Variants in NXNL2 observed in about 807,000 individuals in gnomAD.
The protein encoded by NXNL2 is nucleoredoxin like 2.
NXNL2 carries 7 observed loss-of-function variants against 11.1 expected under a neutral mutation model. The ratio of observed to expected loss-of-function variants is 0.63; its 90% CI spans 0.36 to 1.18. The LOEUF is 1.18. Ranked by LOEUF, NXNL2 falls within the 50% of genes most tolerant of loss-of-function variation. The pLI, the probability that NXNL2 is intolerant of heterozygous loss-of-function variation, is 0.02. For synonymous variants in NXNL2, 109 were observed against 101.8 expected, an observed-to-expected ratio of 1.07 and a Z score of -0.42; for missense variants, 233 against 217.7, an observed-to-expected ratio of 1.07 and a Z score of -0.44.
At chr9:88,571,278 A>C (rs2118532151) in intron 2 of NXNL2, 1 of 234,960 alleles carries the variant, frequency 4.3e-6, no homozygotes, top group South Asian at 4.5e-5. Flanking sequence ...CATGTTGTCC[A>C]GGCTGATCTC....
Position 88,544,557 on chromosome 9 carries a change from G to C in NXNL2, c.*10G>C. The C allele has an allele frequency of 6.6e-7, 1 of 1,518,968 alleles. No individual in the cohort carries two copies. Among genetic ancestry groups the C allele is most frequent in the Non-Finnish European group, 8.8e-7 (1 of 1,130,196 alleles). 94.1% of individuals were successfully genotyped at this position (1,518,968 alleles called of 1,614,324 possible). A position where few individuals can be genotyped will look rare whatever the true frequency, so the allele number is the denominator to read the frequency against. ...GAATTTCTCCGTTTGAAGTGGGAGG[G>C]ACCTCAGAGGGCCAGGACAGGTGCT... On this transcript the variant is annotated 3_prime_UTR_variant, in exon 2 of 2. Coordinates refer to ENST00000375854, the MANE Select transcript of NXNL2 (RefSeq NM_001161625.2).
At position 88,535,474 on chromosome 9, in the gene NXNL2, A is replaced by G. The variant is rs1829586098; in HGVS notation, c.40A>G (p.Lys14Glu). ...ILGERHLVTC[K>E]GATVEAEAAL... ...GGGCGAGCGGCACCTGGTGACCTGT[A>G]AGGGCGCGACGGTGGAGGCCGAGGC... The change falls in exon 1 of 2, where the codon AAG becomes GAG. Residue 14 changes from lysine (K) to glutamate (E), a missense_variant. Coordinates refer to ENST00000375854, the MANE Select transcript of NXNL2 (RefSeq NM_001161625.2). 3.7e-6 allele frequency: 6 copies of G among 1,608,532 alleles called. No homozygotes were observed. Among genetic ancestry groups the G allele is most frequent in the Non-Finnish European group, 5.1e-6 (6 of 1,178,324 alleles).
At chr9:88,573,300 T>C (rs1377931862) in intron 2 of NXNL2, among the ~76,000 whole-genome samples, 2 of 152,118 alleles carry the variant, frequency 1.3e-5, no homozygotes, top group Non-Finnish European at 2.9e-5. Context: ...TGCACCACCA[T>C]GCTCAGCTAA....
downstream of NXNL2, among the ~76,000 whole-genome samples, chr9:88,548,748 A>G (rs886516756): frequency 1.3e-5 from 2 of 150,852 alleles, no homozygotes; most frequent in Non-Finnish European, 2.9e-5. Flanking sequence ...ATTTTATTCT[A>G]TGTACTTGCC....
chr9:88,571,650 G>A (rs1401406399), intron 2 of NXNL2, among the ~76,000 whole-genome samples: 4 of 152,162 alleles, frequency 2.6e-5, no homozygotes, highest in Non-Finnish European at 5.9e-5. Flanking sequence ...CTGTTTCCAA[G>A]CAAGGGTTGA....
At chr9:88,557,445 T>G (rs1587849270) in intron 1 of NXNL2, among the ~76,000 whole-genome samples, 1 of 152,150 alleles carries the variant, frequency 6.6e-6, no homozygotes, top group Non-Finnish European at 1.5e-5. Context: ...GATCACAGGG[T>G]GAGCACGTTC....
At chr9:88,562,385 C>A (rs1303967470) in intron 1 of NXNL2, among the ~76,000 whole-genome samples, 2 of 151,968 alleles carry the variant, frequency 1.3e-5, no homozygotes, top group Non-Finnish European at 2.9e-5. Flanking sequence ...GGTGTGTTCA[C>A]TTCGTGAAAA....
At chr9:88,579,974 AT>A (rs1347538373), downstream of NXNL2, among the ~76,000 whole-genome samples, 1 of 151,832 alleles carries the variant, frequency 6.6e-6, no homozygotes, top group East Asian at 2.0e-4. Flanking sequence ...ACTAAAAAAA[AT>A]AATAATGCAA....
intron 1 of NXNL2, among the ~76,000 whole-genome samples, chr9:88,561,624 G>A (rs1830086875): frequency 6.6e-6 from 1 of 152,102 alleles, no homozygotes; most frequent in East Asian, 1.9e-4. Flanking sequence ...GAGGGGGAAA[G>A]GTAGGGGTGT....
rs779222109 is a variant in NXNL2, at chr9:88,535,490, A to C, written c.56A>C (p.Glu19Ala). The C allele has an allele frequency of 6.2e-7, 1 of 1,609,572 alleles. No homozygotes were observed. The highest frequency in any genetic ancestry group is 8.5e-7 in the Non-Finnish European group (1 of 1,178,778). The change falls in exon 1 of 2, where the codon GAG becomes GCG. Residue 19 changes from glutamate (E) to alanine (A), a missense_variant. Glu to Ala is a moderately radical substitution (Grantham distance 107). Coordinates refer to ENST00000375854, the MANE Select transcript of NXNL2 (RefSeq NM_001161625.2). ...HLVTCKGATV[E>A]AEAALQNKVV... ...GTGACCTGTAAGGGCGCGACGGTGG[A>C]GGCCGAGGCGGCGCTGCAGAACAAG...
chr9:88,570,442 A>G (rs1830244284), intron 1 of NXNL2, among the ~76,000 whole-genome samples: 1 of 151,976 alleles, frequency 6.6e-6, no homozygotes, highest in Non-Finnish European at 1.5e-5. Context: ...TTAATTTTCA[A>G]AGATGTACTT....
intron 1 of NXNL2, among the ~76,000 whole-genome samples, chr9:88,542,577 C>T (rs1829782757): frequency 1.3e-5 from 2 of 152,118 alleles, no homozygotes; most frequent in Admixed American, 1.3e-4. Context: ...CATGTGCCAC[C>T]CGCACCCGGC....
chr9:88,563,859 C>T (rs541844710), intron 1 of NXNL2, among the ~76,000 whole-genome samples: 135 of 152,244 alleles, frequency 8.9e-4, no homozygotes, highest in African/African-American at 3.2e-3. Context: ...GAGGACCCTT[C>T]CCTGACCCTC....
At chr9:88,580,903 C>T (rs982739727) in intron 1 of NXNL2, among the ~76,000 whole-genome samples, 1 of 152,148 alleles carries the variant, frequency 6.6e-6, no homozygotes, top group Non-Finnish European at 1.5e-5. Context: ...TTAAAGAGTA[C>T]TGGCCATGAT....
downstream of NXNL2, among the ~76,000 whole-genome samples, chr9:88,549,906 C>T (rs953480410): frequency 2.0e-5 from 3 of 152,068 alleles, no homozygotes; most frequent in African/African-American, 7.2e-5. Context: ...ATCACTGCAA[C>T]CTCCGCCTCC....
chr9:88,552,469 G>A (rs1829948843), intron 1 of NXNL2, among the ~76,000 whole-genome samples: 1 of 138,474 alleles, frequency 7.2e-6, no homozygotes, highest in East Asian at 2.7e-4. Context: ...CTTTAAACAT[G>A]CATGTTTTTT....
chr9:88,569,717 G>GT (rs1053141764), intron 1 of NXNL2, among the ~76,000 whole-genome samples: 26 of 152,176 alleles, frequency 1.7e-4, no homozygotes, highest in African/African-American at 4.6e-4. Context: ...CAATTATGTG[G>GT]TTTTTTCTTC....
At chr9:88,572,344 G>T (rs1037570516) in intron 2 of NXNL2, among the ~76,000 whole-genome samples, 16 of 152,236 alleles carry the variant, frequency 1.1e-4, no homozygotes, top group African/African-American at 3.9e-4. Context: ...GGGCTCTCCT[G>T]TGAACCTTTC....
At chr9:88,561,156 G>A (rs1337029512) in intron 1 of NXNL2, among the ~76,000 whole-genome samples, 1 of 152,092 alleles carries the variant, frequency 6.6e-6, no homozygotes, top group Non-Finnish European at 1.5e-5. Context: ...TAGTCAGGTG[G>A]ACACCATCTA....
Sources: allele counts gnomAD v4.1 joint callset (sites outside exome capture counted in the v4.1 genomes callset), GRCh38; gene constraint gnomAD v4.1.1; transcripts MANE v1.5; gene names NCBI Gene and HGNC (gene_info 2026-07-23, HGNC 2026-07-21).